Variants in STON1 observed in about 807,000 individuals in gnomAD.
The protein encoded by STON1 is stonin-1.
In STON1, 79 loss-of-function variants were observed where a neutral mutation model predicts 60.9. The ratio of observed to expected loss-of-function variants is 1.30; its 90% CI spans 1.08 to 1.56. STON1 has a LOEUF of 1.56. STON1 is among the 40% of genes most tolerant of loss of function. The pLI, the probability that STON1 is intolerant of heterozygous loss-of-function variation, is 0.00. For missense variants in STON1, 1,166 were observed against 858.9 expected (o/e 1.36, Z -4.47); for synonymous variants, 363 against 306.9 (o/e 1.18, Z -1.91).
At chr2:48,587,303 T>G (rs1674265018) in intron 2 of STON1, among the ~76,000 whole-genome samples, 1 of 152,118 alleles carries the variant, frequency 6.6e-6, no homozygotes, top group Non-Finnish European at 1.5e-5. Context: ...ATTTATTTAT[T>G]TATTTATGAG....
At chr2:48,550,223 C>T (rs1273881787) in intron 1 of STON1, among the ~76,000 whole-genome samples, 6 of 151,976 alleles carry the variant, frequency 3.9e-5, no homozygotes, top group Non-Finnish European at 7.4e-5. Flanking sequence ...ATATACTGGG[C>T]GCGGTGGCTC....
chr2:48,578,431 T>C (rs190139694), intron 1 of STON1, among the ~76,000 whole-genome samples: 2 of 152,180 alleles, frequency 1.3e-5, no homozygotes, highest in Non-Finnish European at 2.9e-5. Context: ...TTTTTTTCTT[T>C]TTTTAACTCA....
chr2:48,581,321 TG>T lies in STON1; in HGVS notation c.689del (p.Cys230LeufsTer51). On this transcript the variant is annotated frameshift_variant, in exon 2 of 4. Transcript: ENST00000404752. LOFTEE classifies it high-confidence loss of function. Reference protein sequence around the residue: ...SLNKCSLNYICEKLEHLQSAE... With the variant: ...SLNKCSLNYIXEKLEHLQSAE... ...AAATAAGTGTTCACTCAACTATATCTGTGAGAAGCTTGAACATCTCCAGTCA... is the reference window on the plus strand; with the variant it reads ...AAATAAGTGTTCACTCAACTATATCTTGAGAAGCTTGAACATCTCCAGTCA... The T allele has an allele frequency of 6.5e-7, 1 of 1,532,390 alleles. No homozygotes were observed. Among genetic ancestry groups the T allele is most frequent in the South Asian group, 1.3e-5 (1 of 75,980 alleles). 94.9% of individuals were successfully genotyped at this position (1,532,390 alleles called of 1,614,324 possible). A position where few individuals can be genotyped will look rare whatever the true frequency, so the allele number is the denominator to read the frequency against.
At chr2:48,579,830 G>A (rs1480955481) in intron 1 of STON1, among the ~76,000 whole-genome samples, 1 of 152,134 alleles carries the variant, frequency 6.6e-6, no homozygotes, top group East Asian at 1.9e-4. Flanking sequence ...CCAATTATTA[G>A]TGGGTGGCTA....
intron 2 of STON1, among the ~76,000 whole-genome samples, chr2:48,590,470 T>TACA (rs745966768): frequency 2.0e-5 from 3 of 152,222 alleles, no homozygotes; most frequent in Non-Finnish European, 2.9e-5. Context: ...ATGTCAGTGG[T>TACA]ACAGTAATTT....
At position 48,595,380 on chromosome 2, in the gene STON1, A is replaced by T. The variant is rs748930546; in HGVS notation, c.*78A>T. 2.1e-5 allele frequency: 27 copies of T among 1,314,880 alleles called. No homozygotes were observed. Among genetic ancestry groups the T allele is most frequent in the Non-Finnish European group, 2.9e-5 (27 of 920,674 alleles). The allele number at this position is 1,314,880 out of a possible 1,614,324, so 81.5% of individuals were successfully genotyped here. On this transcript the variant is annotated 3_prime_UTR_variant, in exon 4 of 4. Coordinates refer to ENST00000404752, the MANE Select transcript of STON1 (RefSeq NM_006873.4). ...AAACCACACCAAGTCCTGCTACTGT[A>T]GAGTGGAAATGACTTCTGAATAGCG...
chr2:48,587,548 C>T (rs1025625866), intron 2 of STON1, among the ~76,000 whole-genome samples: 1 of 152,154 alleles, frequency 6.6e-6, no homozygotes, highest in Non-Finnish European at 1.5e-5. Flanking sequence ...AGTTTGGCCT[C>T]CCAAAGTGCT....
chr2:48,582,089 C>T lies in STON1; in HGVS notation c.1456C>T (p.His486Tyr). Reference protein sequence around the residue: ...EKKGIDILDYHFHKCVNVQEF... With the variant: ...EKKGIDILDYYFHKCVNVQEF... ...AAAGGGGATTGATATTCTTGACTAC[C>T]ATTTTCATAAGTGTGTGAATGTACA... Residue 486 changes from histidine to tyrosine, a missense_variant, in exon 2 of 4, where the codon CAT becomes TAT. His to Tyr is a moderately conservative substitution (Grantham distance 83). Transcript: ENST00000404752. 1 of 1,614,096 alleles carries T rather than the reference C, an allele frequency of 6.2e-7. No individual in the cohort carries two copies. Among genetic ancestry groups the T allele is most frequent in the Admixed American group, 1.7e-5 (1 of 60,018 alleles).
At chr2:48,560,722 C>T (rs1672574746) in intron 1 of STON1, among the ~76,000 whole-genome samples, 1 of 152,212 alleles carries the variant, frequency 6.6e-6, no homozygotes, top group Non-Finnish European at 1.5e-5. Flanking sequence ...CTGCAGTGAG[C>T]ACAGCTGCAG....
intron 1 of STON1, among the ~76,000 whole-genome samples, chr2:48,539,905 T>G (rs1409540283): frequency 6.6e-6 from 1 of 152,196 alleles, no homozygotes; most frequent in Non-Finnish European, 1.5e-5. Flanking sequence ...CCTCTAGACC[T>G]ATTTCACATA....
rs561511175 is a variant in STON1, at chr2:48,579,835, T to C, written c.-47-752T>C. On this transcript the variant is annotated intron_variant, in intron 1 of 3. Transcript: ENST00000404752. ...GTTGAAATCTCCAATTATTAGTGGG[T>C]GGCTATCTATTTCTCTCTTCAGTTC... is the stretch of plus-strand genomic sequence containing the variant. Among the ~76,000 whole-genome samples the C allele has an allele frequency of 2.2e-4, 33 of 152,326 alleles. No homozygotes were observed. The South Asian group carries it at 6.6e-3, about 31-fold the overall frequency.
At chr2:48,564,271 T>C (rs145934506) in intron 1 of STON1, among the ~76,000 whole-genome samples, 2 of 152,228 alleles carry the variant, frequency 1.3e-5, no homozygotes, top group Non-Finnish European at 2.9e-5. Flanking sequence ...TTTCTCACAG[T>C]TCCAGAGGCT....
chr2:48,537,958 T>C (rs894272947), intron 1 of STON1, among the ~76,000 whole-genome samples: 6 of 152,046 alleles, frequency 3.9e-5, no homozygotes, highest in Admixed American at 6.6e-5. Flanking sequence ...ATGTCTTTCT[T>C]TATCTTTTTT....
At position 48,581,500 on chromosome 2, in the gene STON1, G is replaced by A. The variant is rs368271199; in HGVS notation, c.867G>A (p.Met289Ile). ...GAATTCCTGAGAAGAAGAATATGAT[G>A]TCTTCCCGGCAATGGGGACCAATTT... is the stretch of plus-strand genomic sequence containing the variant. Reference protein sequence around the residue: ...MLRIPEKKNMMSSRQWGPIFL... With the variant: ...MLRIPEKKNMISSRQWGPIFL... The change falls in exon 2 of 4, where the codon ATG (methionine) becomes ATA (isoleucine). Residue 289 changes from methionine to isoleucine, a missense_variant. Physicochemically the swap from Met to Ile is conservative, Grantham distance 10 (BLOSUM62 1). Coordinates refer to ENST00000404752, the MANE Select transcript of STON1 (RefSeq NM_006873.4). The A allele has an allele frequency of 3.1e-6, 5 of 1,614,068 alleles. No individual in the cohort carries two copies. The highest frequency in any genetic ancestry group is 2.2e-5 in the East Asian group (1 of 44,902).
rs1161121138 is a variant in STON1 at position 48,597,819 on chromosome 2, C to A, written c.*2517C>A. ...TTATTCAATTCTTCTGACCTCAGAA[C>A]TGGCAGAAGGTCAGATGTGACTACA... On this transcript the variant is annotated 3_prime_UTR_variant, in exon 4 of 4. Coordinates refer to ENST00000404752, the MANE Select transcript of STON1 (RefSeq NM_006873.4). 6.6e-6 allele frequency: 1 copy of A among 152,412 alleles called. No homozygotes were observed. Among genetic ancestry groups the A allele is most frequent in the African/African-American group, 2.4e-5 (1 of 41,444 alleles). 9.4% of individuals were successfully genotyped at this position (152,412 alleles called of 1,614,324 possible).
intron 1 of STON1, among the ~76,000 whole-genome samples, chr2:48,541,642 T>A (rs886795046): frequency 3.7e-5 from 5 of 135,694 alleles, no homozygotes; most frequent in African/African-American, 1.4e-4. Flanking sequence ...GAGGTTATAG[T>A]GAGCCGAGAT....
chr2:48,539,533 G>A (rs557330053), intron 1 of STON1, among the ~76,000 whole-genome samples: 147 of 151,870 alleles, frequency 9.7e-4, no homozygotes, highest in African/African-American at 3.4e-3. Context: ...ATGGAGTCTC[G>A]CTCTGTCACC....
intron 1 of STON1, among the ~76,000 whole-genome samples, chr2:48,544,367 T>C (rs759721075): frequency 6.6e-6 from 1 of 152,152 alleles, no homozygotes; most frequent in Non-Finnish European, 1.5e-5. Flanking sequence ...TCATGAGAAA[T>C]TGAGCATTGA....
chr2:48,557,383 C>T (rs56167037), intron 1 of STON1, among the ~76,000 whole-genome samples: 2 of 105,070 alleles, frequency 1.9e-5, no homozygotes, highest in East Asian at 2.8e-4. Context: ...GATGGGCGGC[C>T]GAGCAGAGAG....
Sources: gnomAD v4.1 joint callset for allele counts (sites outside exome capture counted in the v4.1 genomes callset) on GRCh38, gnomAD v4.1.1 for gene constraint, MANE v1.5 for transcripts, NCBI Gene and HGNC (gene_info 2026-07-23, HGNC 2026-07-21) for gene names.